The following FLVCR2 variants were observed in gnomAD, a reference collection of about 807,000 sequenced individuals.
FLVCR2 encodes FLVCR choline and putative heme transporter 2.
Under a neutral mutation model 48.9 loss-of-function variants are expected in FLVCR2, and 38 were observed. The ratio of observed to expected loss-of-function variants is 0.78; its 90% CI spans 0.60 to 1.02. The LOEUF is 1.02. Ranked by LOEUF, FLVCR2 falls within the 50% of genes least tolerant of loss-of-function variation. The pLI is 0.00. For synonymous variants in FLVCR2, 255 were observed against 257.0 expected, an observed-to-expected ratio of 0.99 and a Z score of 0.07; for missense variants, 664 against 663.3, an observed-to-expected ratio of 1.00 and a Z score of -0.01.
chr14:75,629,817 T>C (rs1889996043), intron 3 of FLVCR2, among the ~76,000 whole-genome samples: 1 of 152,266 alleles, frequency 6.6e-6, no homozygotes, highest in South Asian at 2.1e-4. Flanking sequence ...TTATTCATGC[T>C]TCTGAATAAA....
At chr14:75,645,939 A>AG (rs1490342874) in intron 9 of FLVCR2, among the ~76,000 whole-genome samples, 5 of 133,804 alleles carry the variant, frequency 3.7e-5, no homozygotes, top group Non-Finnish European at 3.3e-5. Flanking sequence ...AAAAAAAAAA[A>AG]GTATTCCTCA....
At chr14:75,601,533 A>G (rs978284283) in intron 1 of FLVCR2, among the ~76,000 whole-genome samples, 3 of 152,226 alleles carry the variant, frequency 2.0e-5, no homozygotes, top group African/African-American at 7.2e-5. Flanking sequence ...ATTAAAAAAA[A>G]AAGTGTTGGT....
chr14:75,608,066 T>C (rs1889340835), intron 1 of FLVCR2, among the ~76,000 whole-genome samples: 1 of 152,136 alleles, frequency 6.6e-6, no homozygotes, highest in Non-Finnish European at 1.5e-5. Flanking sequence ...TGAGTTCTCA[T>C]CTAAAAAATC....
intron 1 of FLVCR2, among the ~76,000 whole-genome samples, chr14:75,600,766 A>T (rs1566786114): frequency 6.6e-6 from 1 of 152,228 alleles, no homozygotes; most frequent in African/African-American, 2.4e-5. Flanking sequence ...AAAGGATGCT[A>T]TTAACAGACT....
rs1889264804 is a variant in FLVCR2, at chr14:75,605,356, T to C, written c.670-16723T>C. On this transcript the variant is annotated intron_variant, in intron 1 of 9. Coordinates refer to ENST00000238667, the MANE Select transcript of FLVCR2 (RefSeq NM_017791.3). ...TAGCACCATTCCCAAGTTAACCCAG[T>C]GGAATATCTCCCCTCCCTTGATTCT... 21 of 1,028,902 alleles carry C rather than the reference T, an allele frequency of 2.0e-5. No individual in the cohort carries two copies. The South Asian group carries it at 3.9e-4, about 19-fold the overall frequency. 63.7% of individuals were successfully genotyped at this position (1,028,902 alleles called of 1,614,324 possible).
intron 8 of FLVCR2, 148 bp from the exon 9 acceptor site, chr14:75,641,695 G>T (rs1890311250): frequency 1.3e-6 from 1 of 752,486 alleles, no homozygotes; most frequent in South Asian, 1.5e-5. Context: ...TCTCAAATTG[G>T]CTGATGGTGC....
intron 9 of FLVCR2, among the ~76,000 whole-genome samples, chr14:75,644,004 C>T (rs1396590142): frequency 2.0e-5 from 3 of 150,142 alleles, no homozygotes; most frequent in East Asian, 3.9e-4. Context: ...TGCCATTGCA[C>T]TCCAGCCTGG....
chr14:75,585,696 G>A (rs1888727342), intron 1 of FLVCR2, among the ~76,000 whole-genome samples: 1 of 152,044 alleles, frequency 6.6e-6, no homozygotes, highest in Non-Finnish European at 1.5e-5. Flanking sequence ...TGGAGTGTGG[G>A]TGAATTATCA....
intron 1 of FLVCR2, among the ~76,000 whole-genome samples, chr14:75,620,643 G>C (rs1177210114): frequency 6.6e-6 from 1 of 152,028 alleles, no homozygotes; most frequent in East Asian, 1.9e-4. Context: ...TATACCTCTT[G>C]GTACTTTCTA....
chr14:75,620,033 CT>C (rs1328642876), intron 1 of FLVCR2, among the ~76,000 whole-genome samples: 1 of 152,202 alleles, frequency 6.6e-6, no homozygotes, highest in Non-Finnish European at 1.5e-5. Flanking sequence ...ATGTCTGTAT[CT>C]TTCCTCACTC....
intron 1 of FLVCR2, among the ~76,000 whole-genome samples, chr14:75,613,622 C>T (rs758743675): frequency 9.2e-5 from 14 of 152,080 alleles, no homozygotes; most frequent in Non-Finnish European, 1.9e-4. Context: ...CACATCTTGG[C>T]CCACTGCAAC....
intron 9 of FLVCR2, among the ~76,000 whole-genome samples, chr14:75,642,303 C>A (rs1890323563): frequency 6.6e-6 from 1 of 152,172 alleles, no homozygotes; most frequent in African/African-American, 2.4e-5. Flanking sequence ...TCTGTCATGG[C>A]AGTGCTGGCC....
intron 5 of FLVCR2, among the ~76,000 whole-genome samples, chr14:75,636,467 CG>C (rs1890169291): frequency 6.6e-6 from 1 of 152,152 alleles, no homozygotes; most frequent in Non-Finnish European, 1.5e-5. Flanking sequence ...ACCCTTTTTC[CG>C]GGGCTTGCTC....
At chr14:75,594,425 A>G (rs138157732) in intron 1 of FLVCR2, among the ~76,000 whole-genome samples, 1,588 of 152,328 alleles carry the variant, frequency 0.01, 29 homozygotes, top group African/African-American at 0.036. Context: ...GGTATTTGTT[A>G]TGGCATCAGA....
At chr14:75,645,917 CAAAAAAAAAAA>C in intron 9 of FLVCR2, among the ~76,000 whole-genome samples, 1 of 93,906 alleles carries the variant, frequency 1.1e-5, no homozygotes, top group Non-Finnish European at 2.1e-5. Context: ...GACTCCATCT[CAAAAAAAAAAA>C]AAAAAAAAAA....
At chr14:75,625,954 A>C (rs1889890807) in intron 3 of FLVCR2, among the ~76,000 whole-genome samples, 1 of 151,946 alleles carries the variant, frequency 6.6e-6, no homozygotes, top group African/African-American at 2.4e-5. Context: ...CCAGAGTTCA[A>C]ATACAAGTTT....
At position 75,621,965 on chromosome 14, in the gene FLVCR2, G is replaced by A. The variant is rs1262424510; in HGVS notation, c.670-114G>A. The A allele has an allele frequency of 3.7e-6, 4 of 1,094,968 alleles. No homozygotes were observed. The Admixed American group carries it at 6.7e-5, about 18-fold the overall frequency. 67.8% of individuals were successfully genotyped at this position (1,094,968 alleles called of 1,614,324 possible). On this transcript the variant is annotated intron_variant, in intron 1 of 9. Transcript: ENST00000238667. ...GGTGAGAAATAATCCCTGCATGGGT[G>A]TTAGGAAGGATTGGAAGTTGGAAAT...
chr14:75,579,940 T>A (rs1888554622), intron 1 of FLVCR2, among the ~76,000 whole-genome samples: 1 of 152,242 alleles, frequency 6.6e-6, no homozygotes, highest in Non-Finnish European at 1.5e-5. Context: ...AGACCTGTAA[T>A]TTCAGGAATG....
At chr14:75,634,742 T>C (rs1054487310) in intron 4 of FLVCR2, among the ~76,000 whole-genome samples, 168 bp from the exon 5 acceptor site, 2 of 152,002 alleles carry the variant, frequency 1.3e-5, no homozygotes, top group Non-Finnish European at 2.9e-5. Context: ...TTGGGAGGAG[T>C]AGTTATTCTA....
Sources: allele counts gnomAD v4.1 joint callset (sites outside exome capture counted in the v4.1 genomes callset), GRCh38; gene constraint gnomAD v4.1.1; transcripts MANE v1.5; gene names NCBI Gene and HGNC (gene_info 2026-07-23, HGNC 2026-07-21).